The following SYNE3 variants were observed in gnomAD, a reference collection of about 807,000 sequenced individuals.
SYNE3 encodes nesprin-3.
In SYNE3, 100 loss-of-function variants were observed where a neutral mutation model predicts 111.2. The ratio of observed to expected loss-of-function variants is 0.90; its 90% CI spans 0.77 to 1.06. SYNE3 has a LOEUF of 1.06. SYNE3 is among the 50% of genes least tolerant of loss of function. The probability of loss-of-function intolerance (pLI) is 0.00; values close to 1 mark genes in which losing one functional copy is unlikely to be tolerated. For missense variants in SYNE3, 1,160 were observed against 1,240.3 expected (o/e 0.94, Z 0.97); for synonymous variants, 547 against 533.9 (o/e 1.02, Z -0.34).
chr14:95,433,813 C>T (rs1018589905), intron 15 of SYNE3, among the ~76,000 whole-genome samples: 3 of 152,174 alleles, frequency 2.0e-5, no homozygotes, highest in African/African-American at 7.2e-5. Flanking sequence ...AATAGAAGTA[C>T]TGTGTTCCCT....
intron 1 of SYNE3, among the ~76,000 whole-genome samples, chr14:95,494,519 G>A (rs1301627403): frequency 1.3e-5 from 2 of 152,162 alleles, no homozygotes; most frequent in Non-Finnish European, 2.9e-5. Flanking sequence ...GACGGGAGGA[G>A]GCCATACTGG....
At chr14:95,440,221 C>T in intron 11 of SYNE3, 146 bp from the exon 12 acceptor site, 1 of 848,656 alleles carries the variant, frequency 1.2e-6, no homozygotes, top group Non-Finnish European at 1.8e-6. Context: ...CTGGGCTGGC[C>T]CTTCCCTCCA....
chr14:95,504,702 C>T (rs765925735), intron 1 of SYNE3, among the ~76,000 whole-genome samples: 21 of 152,100 alleles, frequency 1.4e-4, no homozygotes, highest in African/African-American at 4.6e-4. Context: ...AATAGGAGGC[C>T]GGGCACAGTG....
intron 4 of SYNE3, among the ~76,000 whole-genome samples, chr14:95,460,367 GTTTT>G (rs548346693): frequency 0.045 from 3,874 of 85,314 alleles, 204 homozygotes; most frequent in African/African-American, 0.16. Context: ...ACGATGCCTA[GTTTT>G]TTTTTTTTTT....
At chr14:95,480,008 C>T (rs192267424) in intron 1 of SYNE3, among the ~76,000 whole-genome samples, 206 of 151,920 alleles carry the variant, frequency 1.4e-3, no homozygotes, top group Non-Finnish European at 1.7e-3. Flanking sequence ...CTCTCTGGCA[C>T]GGGAGAAGTT....
At chr14:95,439,877 C>T in intron 12 of SYNE3, 37 bp downstream of exon 12, 1 of 1,599,836 alleles carries the variant, frequency 6.3e-7, no homozygotes, top group Non-Finnish European at 8.5e-7. Context: ...GTCAAGGCTG[C>T]TTCTTTGGGA....
At chr14:95,444,199 A>G (rs1177815152) in intron 10 of SYNE3, 14 of 453,632 alleles carry the variant, frequency 3.1e-5, no homozygotes, top group Non-Finnish European at 5.0e-5. Context: ...AATACTTAGC[A>G]AAGCAATTCT....
chr14:95,443,485 T>TA (rs1297122837), intron 10 of SYNE3, among the ~76,000 whole-genome samples, 196 bp from the exon 11 acceptor site: 1 of 152,180 alleles, frequency 6.6e-6, no homozygotes, highest in Non-Finnish European at 1.5e-5. Flanking sequence ...GGAGAGATTT[T>TA]AAAAATCAGA....
At chr14:95,426,370 G>GC (rs1294501729) in intron 17 of SYNE3, among the ~76,000 whole-genome samples, 1 of 152,136 alleles carries the variant, frequency 6.6e-6, no homozygotes, top group Non-Finnish European at 1.5e-5. Context: ...GATTTGACCT[G>GC]CCCCCGGAGT....
Position 95,499,350 on chromosome 14 carries a change from T to C in SYNE3, c.-15+17246A>G, listed in dbSNP as rs542819080. Among the ~76,000 whole-genome samples, 3 of 152,144 alleles carry C rather than the reference T, an allele frequency of 2.0e-5. No homozygotes were observed. The East Asian group carries it at 5.8e-4, about 29-fold the overall frequency. ...AGTTTAACAGGACATTCAAAGTCCT[T>C]CTCCATCCATCTCTGCAGCCTCAGC... On this transcript the variant is annotated intron_variant, in intron 1 of 17. Transcript: ENST00000682763.
rs1440389243 is a variant in SYNE3, at chr14:95,413,692, G to C, written c.*4134C>G. ...TTCCCCTGAAGATGCCCGGAGACAA[G>C]CATCTTTGGACCCCCGGTCCCTGCA... On this transcript the variant is annotated 3_prime_UTR_variant, in exon 18 of 18. Coordinates refer to ENST00000682763, the MANE Select transcript of SYNE3 (RefSeq NM_152592.6). The C allele has an allele frequency of 2.0e-5, 3 of 152,278 alleles. No individual in the cohort carries two copies. Among genetic ancestry groups the C allele is most frequent in the African/African-American group, 7.2e-5 (3 of 41,460 alleles). The allele number at this position is 152,278 out of a possible 1,614,324, so 9.4% of individuals were successfully genotyped here.
At position 95,440,087 on chromosome 14, in the gene SYNE3, C is replaced by T; in HGVS notation, c.1912-12G>A. ...CTGTCCACAAGGTCCTGCAGCACAG[C>T]CCGGGGAGCCCAGGGCATCCTGAGT... On this transcript the variant is annotated splice_polypyrimidine_tract_variant and intron_variant, in intron 11 of 17. Coordinates refer to ENST00000682763, the MANE Select transcript of SYNE3 (RefSeq NM_152592.6). 1 of 1,586,518 alleles carries T rather than the reference C, an allele frequency of 6.3e-7. No homozygotes were observed. Among genetic ancestry groups the T allele is most frequent in the Non-Finnish European group, 8.5e-7 (1 of 1,170,228 alleles).
intron 4 of SYNE3, among the ~76,000 whole-genome samples, chr14:95,458,788 C>T (rs1887618608): frequency 6.6e-6 from 1 of 152,194 alleles, no homozygotes; most frequent in South Asian, 2.1e-4. Context: ...TCCTGAATGG[C>T]AGGAAGCACA....
chr14:95,502,877 A>G (rs964208425), intron 1 of SYNE3, among the ~76,000 whole-genome samples: 10 of 152,226 alleles, frequency 6.6e-5, no homozygotes, highest in Non-Finnish European at 8.8e-5. Flanking sequence ...AGGTTTCTAA[A>G]GTAGAGCTCC....
intron 17 of SYNE3, among the ~76,000 whole-genome samples, chr14:95,431,715 AG>A (rs1266592332): frequency 6.6e-6 from 1 of 152,196 alleles, no homozygotes; most frequent in Non-Finnish European, 1.5e-5. Context: ...GCAACAACCC[AG>A]GTTTCCTGGG....
At chr14:95,428,592 C>G (rs772084457) in intron 17 of SYNE3, among the ~76,000 whole-genome samples, 1 of 152,208 alleles carries the variant, frequency 6.6e-6, no homozygotes, top group Non-Finnish European at 1.5e-5. Flanking sequence ...CACCCTGGCT[C>G]ACAGAACCTT....
At chr14:95,515,350 C>T (rs1890877769) in intron 1 of SYNE3, among the ~76,000 whole-genome samples, 1 of 152,224 alleles carries the variant, frequency 6.6e-6, no homozygotes, top group Non-Finnish European at 1.5e-5. Context: ...AGCAAAACAG[C>T]TCGTTGGCAC....
chr14:95,512,810 A>G (rs1162715892), intron 1 of SYNE3, among the ~76,000 whole-genome samples: 1 of 152,128 alleles, frequency 6.6e-6, no homozygotes, highest in Non-Finnish European at 1.5e-5. Flanking sequence ...GTGATCCGAG[A>G]TCAGGCCACT....
chr14:95,460,691 C>T (rs1379596523), intron 4 of SYNE3, among the ~76,000 whole-genome samples: 1 of 152,206 alleles, frequency 6.6e-6, no homozygotes, highest in South Asian at 2.1e-4. Context: ...GGGGCTTCGG[C>T]AAGCTCCCCT....
Sources: gnomAD v4.1 joint callset for allele counts (sites outside exome capture counted in the v4.1 genomes callset) on GRCh38, gnomAD v4.1.1 for gene constraint, MANE v1.5 for transcripts, NCBI Gene and HGNC (gene_info 2026-07-23, HGNC 2026-07-21) for gene names.